The following GPALPP1 variants were observed in gnomAD, a reference collection of about 807,000 sequenced individuals.
The protein encoded by GPALPP1 is GPALPP motifs-containing protein 1.
A neutral mutation model predicts 38.9 loss-of-function variants in GPALPP1; 30 were observed. The ratio of observed to expected loss-of-function variants is 0.77; its 90% confidence interval spans 0.58 to 1.05. The LOEUF is 1.05. Among genes scored for constraint, GPALPP1 ranks in the 50% least tolerant of loss-of-function variants. The pLI is 0.00. For synonymous variants in GPALPP1, 120 were observed against 139.2 expected (o/e 0.86, Z 0.97); for missense variants, 384 against 408.8 (o/e 0.94, Z 0.52).
At chr13:45,000,079 A>G (rs916220766) in intron 1 of GPALPP1, among the ~76,000 whole-genome samples, 1 of 152,128 alleles carries the variant, frequency 6.6e-6, no homozygotes, top group Non-Finnish European at 1.5e-5. Flanking sequence ...CTTTTTAAAA[A>G]ATGTATATCT....
At chr13:45,020,550 A>G (rs1268588203) in intron 7 of GPALPP1, 122 bp downstream of exon 7, 3 of 582,320 alleles carry the variant, frequency 5.2e-6, no homozygotes, top group Middle Eastern at 4.7e-4. Context: ...AGCTTGGGCA[A>G]CATAGCAAGA....
chr13:44,995,844 G>GCTGCTT, intron 1 of GPALPP1, among the ~76,000 whole-genome samples: 1 of 152,280 alleles, frequency 6.6e-6, no homozygotes, highest in East Asian at 1.9e-4. Context: ...TGCTGCTGCT[G>GCTGCTT]GTCCTGCTGG....
chr13:45,008,343 C>A (rs1007281670), intron 3 of GPALPP1, among the ~76,000 whole-genome samples: 1 of 152,192 alleles, frequency 6.6e-6, no homozygotes, highest in African/African-American at 2.4e-5. Context: ...TAGAAGAACT[C>A]AATTTCTACT....
intron 2 of GPALPP1, chr13:45,005,044 A>ATATATGCAG (rs1873972991): frequency 7.1e-6 from 1 of 140,354 alleles, no homozygotes; most frequent in Admixed American, 7.3e-5. Flanking sequence ...TATTAAAATT[A>ATATATGCAG]TATATGCAGT....
At chr13:45,035,007 A>G (rs1397768677), downstream of GPALPP1, 1 of 129,254 alleles carries the variant, frequency 7.7e-6, no homozygotes, top group Non-Finnish European at 1.5e-5. Context: ...CTCAGGCTGG[A>G]GTGCAGTGGC....
At position 45,027,831 on chromosome 13, in the gene GPALPP1, TAA is replaced by T. The variant is rs1402955805; in HGVS notation, c.853_854del (p.Lys285GlufsTer2). On this transcript the variant is annotated frameshift_variant, in exon 8 of 8. Transcript: ENST00000379151. LOFTEE classifies it high-confidence loss of function. ...CTTATGGACATACATCATAAAAAGT[TAA>T]AGAGTAAGGCTGCTGAAGACAAAAA... The T allele has an allele frequency of 3.1e-6, 5 of 1,602,650 alleles. No individual in the cohort carries two copies. Among genetic ancestry groups the T allele is most frequent in the Non-Finnish European group, 4.3e-6 (5 of 1,169,950 alleles).
intron 7 of GPALPP1, among the ~76,000 whole-genome samples, chr13:45,020,736 T>A (rs1334118641): frequency 6.6e-6 from 1 of 152,134 alleles, no homozygotes; most frequent in Non-Finnish European, 1.5e-5. Context: ...TACTTATTTC[T>A]CTTTCTTTTA....
At chr13:45,008,531 A>T (rs141614993) in intron 3 of GPALPP1, among the ~76,000 whole-genome samples, 1 of 152,328 alleles carries the variant, frequency 6.6e-6, no homozygotes, top group Non-Finnish European at 1.5e-5. Context: ...GGAAGTGTGC[A>T]TATGCCAGTG....
chr13:45,023,630 C>T (rs1875573366), intron 7 of GPALPP1, among the ~76,000 whole-genome samples: 2 of 152,292 alleles, frequency 1.3e-5, no homozygotes, highest in Non-Finnish European at 2.9e-5. Flanking sequence ...TCTGCTGAAA[C>T]TTTGTTCTCT....
rs1874417984 is a variant in GPALPP1, at chr13:45,010,820, C to T, written c.408+1941C>T. Among the ~76,000 whole-genome samples, 4 of 152,004 alleles carry T rather than the reference C, an allele frequency of 2.6e-5. No individual in the cohort carries two copies. In the South Asian group the frequency reaches 8.3e-4, roughly 32 times the overall value. ...GCAACATAGCAAAACCGCATCTCTA[C>T]CAAAAATACAAAAAAATAGCTAGGC... On this transcript the variant is annotated intron_variant, in intron 4 of 7. Coordinates refer to ENST00000379151, the MANE Select transcript of GPALPP1 (RefSeq NM_018559.5).
At chr13:45,000,319 A>G (rs1873581902) in intron 1 of GPALPP1, among the ~76,000 whole-genome samples, 1 of 152,186 alleles carries the variant, frequency 6.6e-6, no homozygotes, top group East Asian at 1.9e-4. Context: ...AGTCCTAGCC[A>G]TGCAGGAGGC....
At chr13:44,994,217 CA>C (rs1165851530) in intron 1 of GPALPP1, among the ~76,000 whole-genome samples, 8,554 of 61,496 alleles carry the variant, frequency 0.14, 199 homozygotes, top group African/African-American at 0.18. Flanking sequence ...GACCCTGTCT[CA>C]AAAAAAAAAA....
downstream of GPALPP1, chr13:45,034,219 TCCTC>T (rs760800862): frequency 6.6e-6 from 1 of 152,218 alleles, no homozygotes; most frequent in Non-Finnish European, 1.5e-5. Flanking sequence ...GGCATAGTCT[TCCTC>T]CCTGGGAGAA....
At chr13:45,018,279 C>T (rs369806634) in intron 6 of GPALPP1, among the ~76,000 whole-genome samples, 3 of 151,940 alleles carry the variant, frequency 2.0e-5, no homozygotes, top group South Asian at 2.1e-4. Flanking sequence ...CGCCTGTAGT[C>T]GCAGCTACTC....
chr13:44,989,542 T>C lies in GPALPP1; in HGVS notation c.-113T>C, dbSNP rs534181593. On this transcript the variant is annotated 5_prime_UTR_variant, in exon 1 of 8. Coordinates refer to ENST00000379151, the MANE Select transcript of GPALPP1 (RefSeq NM_018559.5). ...TCAGCCAACCACAGGCTTTACGTCATTTCTCGGCGCCGGGAAACCTGCCAT... is the reference window on the plus strand; with the variant it reads ...TCAGCCAACCACAGGCTTTACGTCACTTCTCGGCGCCGGGAAACCTGCCAT... 6.6e-7 allele frequency: 1 copy of C among 1,517,872 alleles called. No individual in the cohort carries two copies. The highest frequency in any genetic ancestry group is 1.2e-5 in the South Asian group (1 of 86,684). 94.0% of individuals were successfully genotyped at this position (1,517,872 alleles called of 1,614,324 possible). A position where few individuals can be genotyped will look rare whatever the true frequency, so the allele number is the denominator to read the frequency against.
chr13:45,004,185 G>GAAT (rs1313855903), intron 1 of GPALPP1, 120 bp from the exon 2 acceptor site: 1 of 766,570 alleles, frequency 1.3e-6, no homozygotes, highest in Non-Finnish European at 2.1e-6. Context: ...AGATTAAAGT[G>GAAT]AATAATAAAT....
chr13:44,999,770 G>A (rs373744668), intron 1 of GPALPP1, among the ~76,000 whole-genome samples: 18 of 152,044 alleles, frequency 1.2e-4, no homozygotes, highest in African/African-American at 4.1e-4. Context: ...AGTAGAGATG[G>A]GGTTTCACCA....
chr13:45,019,355 C>T (rs1225786149), intron 6 of GPALPP1, among the ~76,000 whole-genome samples: 4 of 151,490 alleles, frequency 2.6e-5, no homozygotes, highest in Admixed American at 6.6e-5. Flanking sequence ...ACCATGTTGC[C>T]CAGGGTGGTC....
At chr13:45,017,772 C>T (rs1323396260) in intron 6 of GPALPP1, among the ~76,000 whole-genome samples, 7 of 152,120 alleles carry the variant, frequency 4.6e-5, no homozygotes. Context: ...TAGACCTGGT[C>T]ATTCTTTTCT....
Sources: allele counts gnomAD v4.1 joint callset (sites outside exome capture counted in the v4.1 genomes callset), GRCh38; gene constraint gnomAD v4.1.1; transcripts MANE v1.5; gene names NCBI Gene and HGNC (gene_info 2026-07-23, HGNC 2026-07-21).